Variants in ZDHHC15 observed in about 807,000 individuals in gnomAD.
ZDHHC15 encodes the protein palmitoyltransferase ZDHHC15.
ZDHHC15 carries 19 observed loss-of-function variants against 31.7 expected under a neutral mutation model. That is an observed-to-expected ratio of 0.60 (90% CI 0.42 to 0.88). The LOEUF (loss-of-function observed/expected upper bound fraction) is 0.88, where lower values mean the gene tolerates loss of function less well. Among genes scored for constraint, ZDHHC15 ranks in the 40% least tolerant of loss-of-function variants. The pLI is 0.00. For missense variants in ZDHHC15, 209 were observed against 251.2 expected (o/e 0.83, Z 1.14); for synonymous variants, 103 against 90.0 (o/e 1.14, Z -0.82).
At chrX:75,489,000 G>A (rs1281717349) in intron 2 of ZDHHC15, among the ~76,000 whole-genome samples, 2 of 111,783 alleles carry the variant, frequency 1.8e-5, no homozygotes, top group East Asian at 2.8e-4. Context: ...CTCCTTCATT[G>A]CTAGCACAGC....
At chrX:75,495,364 T>A (rs1455575715) in intron 2 of ZDHHC15, among the ~76,000 whole-genome samples, 4 of 111,318 alleles carry the variant, frequency 3.6e-5, no homozygotes, top group Admixed American at 1.9e-4. Context: ...ATTGTGGAGG[T>A]GAGTGTGGCG....
intron 10 of ZDHHC15, among the ~76,000 whole-genome samples, chrX:75,380,700 A>G (rs907812238): frequency 2.7e-5 from 3 of 111,346 alleles, no homozygotes; most frequent in Non-Finnish European, 5.7e-5. Flanking sequence ...GAAGACAAAC[A>G]CAGAATTTAG....
chrX:75,488,050 T>A (rs1234745181), intron 2 of ZDHHC15, among the ~76,000 whole-genome samples: 3 of 112,259 alleles, frequency 2.7e-5, no homozygotes, highest in Non-Finnish European at 5.6e-5. Context: ...AACATAAGAA[T>A]AACTGTTGTT....
chrX:75,497,284 G>C (rs935021813), intron 2 of ZDHHC15, among the ~76,000 whole-genome samples: 2 of 111,352 alleles, frequency 1.8e-5, no homozygotes, highest in Non-Finnish European at 3.8e-5. Flanking sequence ...GATTAAACCA[G>C]GAAGAAACAG....
intron 2 of ZDHHC15, among the ~76,000 whole-genome samples, chrX:75,482,659 C>G (rs1481745097): frequency 9.0e-6 from 1 of 111,561 alleles, no homozygotes; most frequent in Non-Finnish European, 1.9e-5. Flanking sequence ...TATTAGTTGT[C>G]TTAAACAGCA....
intron 10 of ZDHHC15, among the ~76,000 whole-genome samples, chrX:75,380,769 C>T (rs1321480366): frequency 1.8e-5 from 2 of 111,690 alleles, no homozygotes; most frequent in Non-Finnish European, 3.8e-5. Flanking sequence ...CCCAACTACA[C>T]CTGCCCTTGC....
At chrX:75,509,505 A>T in intron 1 of ZDHHC15, among the ~76,000 whole-genome samples, 1 of 111,989 alleles carries the variant, frequency 8.9e-6, no homozygotes, top group East Asian at 2.8e-4. Flanking sequence ...AAGTTTGAAA[A>T]TATCCAGTGA....
At chrX:75,481,946 C>T (rs2084694861) in intron 2 of ZDHHC15, among the ~76,000 whole-genome samples, 1 of 112,100 alleles carries the variant, frequency 8.9e-6, no homozygotes, top group African/African-American at 3.2e-5. Context: ...GAGTTCATTG[C>T]TTCACTTTAC....
chrX:75,382,011 CA>C (rs1438386412), intron 10 of ZDHHC15, among the ~76,000 whole-genome samples: 2 of 112,042 alleles, frequency 1.8e-5, no homozygotes, highest in Non-Finnish European at 3.8e-5. Flanking sequence ...CAGGTTTAAA[CA>C]TCACTAACAA....
At chrX:75,475,004 A>G (rs949272164) in intron 3 of ZDHHC15, among the ~76,000 whole-genome samples, 6 of 111,386 alleles carry the variant, frequency 5.4e-5, no homozygotes, top group Admixed American at 2.9e-4. Flanking sequence ...GCTTGCAGTG[A>G]GCCGAGATTG....
At chrX:75,463,136 T>G (rs1569342898) in intron 3 of ZDHHC15, among the ~76,000 whole-genome samples, 1 of 111,039 alleles carries the variant, frequency 9.0e-6, no homozygotes, top group Non-Finnish European at 1.9e-5. Flanking sequence ...CTATAAAACC[T>G]CTATGTACAT....
chrX:75,488,582 C>A (rs905389964), intron 2 of ZDHHC15, among the ~76,000 whole-genome samples: 1 of 112,162 alleles, frequency 8.9e-6, no homozygotes, highest in Non-Finnish European at 1.9e-5. Flanking sequence ...AAGCATAAAT[C>A]CCACAGGACA....
At chrX:75,422,181 C>T (rs990203125) in intron 8 of ZDHHC15, among the ~76,000 whole-genome samples, 191 bp from the exon 9 acceptor site, 2 of 111,999 alleles carry the variant, frequency 1.8e-5, no homozygotes, top group Non-Finnish European at 3.8e-5. Flanking sequence ...AATCACTTCA[C>T]ACAAACTAAA....
chrX:75,394,665 G>A (rs2083281602), intron 10 of ZDHHC15, among the ~76,000 whole-genome samples: 1 of 111,664 alleles, frequency 9.0e-6, no homozygotes, highest in South Asian at 3.7e-4. Context: ...TATTCAGCAG[G>A]AGAATATAAC....
In ZDHHC15 at chrX:75,408,841, T is replaced by A. The variant is rs115302444; in HGVS notation, c.967+8246A>T. Among the ~76,000 whole-genome samples the A allele has an allele frequency of 4.6e-3, 513 of 112,451 alleles. 3 individuals carry two copies. Among genetic ancestry groups the A allele is most frequent in the African/African-American group, 0.016 (496 of 30,976 alleles). On this transcript the variant is annotated intron_variant, in intron 10 of 11. Transcript: ENST00000373367. ...GAAATAAATCAAGGAAGTAATTCCA[T>A]TTCAAATAGTTACAAAGTATATAAA...
chrX:75,488,665 A>G (rs149256069), intron 2 of ZDHHC15, among the ~76,000 whole-genome samples: 97 of 112,534 alleles, frequency 8.6e-4, no homozygotes, highest in African/African-American at 2.9e-3. Context: ...AGCTCCCAGC[A>G]TGAGTGACAC....
At chrX:75,519,133 G>A (rs993588914) in intron 1 of ZDHHC15, among the ~76,000 whole-genome samples, 1 of 109,754 alleles carries the variant, frequency 9.1e-6, no homozygotes, top group African/African-American at 3.3e-5. Flanking sequence ...TAGAGGTGAT[G>A]GCTGCACAAC....
At chrX:75,464,150 C>T (rs2084365900) in intron 3 of ZDHHC15, among the ~76,000 whole-genome samples, 1 of 111,175 alleles carries the variant, frequency 9.0e-6, no homozygotes, top group Non-Finnish European at 1.9e-5. Context: ...ACGGATGAAG[C>T]TGGAAACCAT....
intron 2 of ZDHHC15, among the ~76,000 whole-genome samples, chrX:75,496,234 G>T (rs1417308525): frequency 2.7e-5 from 3 of 111,038 alleles, no homozygotes; most frequent in African/African-American, 9.8e-5. Flanking sequence ...AGACTTTAAA[G>T]GAACAAATTT....
Sources: allele counts gnomAD v4.1 joint callset (sites outside exome capture counted in the v4.1 genomes callset), GRCh38; gene constraint gnomAD v4.1.1; transcripts MANE v1.5; gene names NCBI Gene and HGNC (gene_info 2026-07-23, HGNC 2026-07-21).